Variants in NAV2 observed in about 807,000 individuals in gnomAD.
The protein encoded by NAV2 is neuron navigator 2.
In NAV2, 54 loss-of-function variants were observed where a neutral mutation model predicts 223.2. That is an observed-to-expected ratio of 0.24 (90% CI 0.19 to 0.30). The LOEUF is 0.30. NAV2 is among the 10% of genes least tolerant of loss of function. NAV2 has a pLI of 1.00. For missense variants in NAV2, 2,806 were observed against 3,147.5 expected (o/e 0.89, Z 2.60); for synonymous variants, 1,279 against 1,239.3 (o/e 1.03, Z -0.67).
At chr11:19,607,580 G>A (rs1192676402) in intron 1 of NAV2, among the ~76,000 whole-genome samples, 1 of 152,210 alleles carries the variant, frequency 6.6e-6, no homozygotes, top group Non-Finnish European at 1.5e-5. Flanking sequence ...CCCAAAGGAA[G>A]GAGTAAGCAG....
chr11:20,037,850 T>C (rs1224674048), intron 12 of NAV2, among the ~76,000 whole-genome samples: 1 of 152,186 alleles, frequency 6.6e-6, no homozygotes, highest in Non-Finnish European at 1.5e-5. Flanking sequence ...CTAATTTTTT[T>C]TTCCTGAGGC....
chr11:19,640,300 C>T (rs1021195315), intron 1 of NAV2, among the ~76,000 whole-genome samples: 1 of 152,180 alleles, frequency 6.6e-6, no homozygotes, highest in African/African-American at 2.4e-5. Flanking sequence ...GGTATCTTTA[C>T]TGCAGGACTT....
chr11:19,380,011 A>G (rs1424613991), intron 1 of NAV2, among the ~76,000 whole-genome samples: 3 of 152,004 alleles, frequency 2.0e-5, no homozygotes, highest in African/African-American at 7.2e-5. Flanking sequence ...AATTTATTAT[A>G]GTTGCAAAAG....
At chr11:19,614,552 A>G (rs1003211132) in intron 1 of NAV2, among the ~76,000 whole-genome samples, 2 of 152,176 alleles carry the variant, frequency 1.3e-5, no homozygotes, top group Non-Finnish European at 2.9e-5. Flanking sequence ...TGTGTGGTGC[A>G]GTTGTTACAC....
chr11:20,093,941 G>C (rs752431609), intron 29 of NAV2, among the ~76,000 whole-genome samples: 1 of 152,132 alleles, frequency 6.6e-6, no homozygotes, highest in Non-Finnish European at 1.5e-5. Context: ...GTTCCCTTGA[G>C]TTTTTTGTTT....
At chr11:19,613,536 G>T (rs1342939310) in intron 1 of NAV2, among the ~76,000 whole-genome samples, 2 of 152,146 alleles carry the variant, frequency 1.3e-5, no homozygotes, top group African/African-American at 4.8e-5. Flanking sequence ...TAATCAGACT[G>T]TTGAAATGAT....
chr11:19,432,760 A>G (rs1324267438), intron 1 of NAV2, among the ~76,000 whole-genome samples: 1 of 152,214 alleles, frequency 6.6e-6, no homozygotes, highest in African/African-American at 2.4e-5. Context: ...AGCATGTTCC[A>G]GTACTAATCC....
At chr11:19,421,726 G>A (rs1210455014) in intron 1 of NAV2, among the ~76,000 whole-genome samples, 1 of 144,328 alleles carries the variant, frequency 6.9e-6, no homozygotes, top group East Asian at 2.1e-4. Flanking sequence ...TCCTAACACT[G>A]ATGACTTGAG....
chr11:19,716,350 T>C (rs148898871), intron 1 of NAV2, among the ~76,000 whole-genome samples: 1 of 152,162 alleles, frequency 6.6e-6, no homozygotes, highest in Non-Finnish European at 1.5e-5. Flanking sequence ...TTCTTTGGGC[T>C]TTAGTGTTCT....
intron 1 of NAV2, among the ~76,000 whole-genome samples, chr11:19,707,541 T>C (rs1380467966): frequency 6.6e-6 from 1 of 152,196 alleles, no homozygotes; most frequent in Non-Finnish European, 1.5e-5. Flanking sequence ...AAAACACATA[T>C]GGAGCTGTCA....
At chr11:19,535,498 G>A (rs137867712) in intron 1 of NAV2, among the ~76,000 whole-genome samples, 40 of 152,260 alleles carry the variant, frequency 2.6e-4, no homozygotes, top group East Asian at 1.4e-3. Context: ...AGAAGGGGTG[G>A]CTTGCCATTT....
upstream of NAV2, among the ~76,000 whole-genome samples, chr11:19,348,156 G>A (rs536871200): frequency 9.9e-5 from 15 of 152,274 alleles, no homozygotes; most frequent in East Asian, 3.9e-4. Context: ...CGTGTGCGCC[G>A]GCTGGTGTGA....
intron 1 of NAV2, among the ~76,000 whole-genome samples, chr11:19,464,800 AATGG>A: frequency 2.0e-5 from 3 of 152,238 alleles, no homozygotes; most frequent in Non-Finnish European, 4.4e-5. Flanking sequence ...CACACTTGAA[AATGG>A]ACTGCATCCC....
chr11:20,020,027 G>T (rs1003945324), intron 11 of NAV2, among the ~76,000 whole-genome samples: 2 of 151,782 alleles, frequency 1.3e-5, no homozygotes, highest in African/African-American at 4.8e-5. Context: ...TTGATTTGAT[G>T]AGATTAGTGA....
chr11:19,841,462 T>C (rs187327392), intron 2 of NAV2, among the ~76,000 whole-genome samples: 1 of 152,342 alleles, frequency 6.6e-6, no homozygotes, highest in East Asian at 1.9e-4. Context: ...TATTAAAATA[T>C]GATATGATTT....
chr11:19,840,784 G>T (rs1234731994), intron 2 of NAV2, among the ~76,000 whole-genome samples: 4 of 152,174 alleles, frequency 2.6e-5, no homozygotes, highest in Non-Finnish European at 5.9e-5. Context: ...CAAGAATCAA[G>T]ATTTCTTGAT....
At chr11:19,849,455 T>A (rs529576694) in intron 3 of NAV2, among the ~76,000 whole-genome samples, 24 of 152,284 alleles carry the variant, frequency 1.6e-4, no homozygotes, top group African/African-American at 5.1e-4. Flanking sequence ...GGTGGCCCCT[T>A]GTGAAAGGCA....
intron 1 of NAV2, among the ~76,000 whole-genome samples, chr11:19,590,950 A>G (rs2046042449): frequency 6.6e-6 from 1 of 152,174 alleles, no homozygotes; most frequent in South Asian, 2.1e-4. Flanking sequence ...CCACTTCAAT[A>G]CAGACATACT....
intron 1 of NAV2, among the ~76,000 whole-genome samples, chr11:19,388,585 AAGTCTGAGAGGG>A (rs1336867116): frequency 2.6e-5 from 4 of 152,130 alleles, no homozygotes; most frequent in Admixed American, 1.3e-4. Flanking sequence ...GGCTGGGAGG[AAGTCTGAGAGGG>A]AGTGGGTGTG....
Sources: gnomAD v4.1 joint callset for allele counts (sites outside exome capture counted in the v4.1 genomes callset) on GRCh38, gnomAD v4.1.1 for gene constraint, MANE v1.5 for transcripts, NCBI Gene and HGNC (gene_info 2026-07-23, HGNC 2026-07-21) for gene names.